Variants in LAMP2 observed in about 807,000 individuals in gnomAD.
The protein encoded by LAMP2 is lysosome-associated membrane glycoprotein 2.
Under a neutral mutation model 25.6 loss-of-function variants are expected in LAMP2, and 4 were observed. That is an observed-to-expected ratio of 0.16 (90% confidence interval 0.08 to 0.36). The LOEUF (loss-of-function observed/expected upper bound fraction) is 0.36, where lower values mean the gene tolerates loss of function less well. Among genes scored for constraint, LAMP2 ranks in the 10% least tolerant of loss-of-function variants. The pLI, the probability that LAMP2 is intolerant of heterozygous loss-of-function variation, is 1.00. For synonymous variants in LAMP2, 108 were observed against 112.7 expected (o/e 0.96, Z 0.27); for missense variants, 272 against 301.4 (o/e 0.90, Z 0.72).
At chrX:120,458,215 G>A (rs930254200) in intron 1 of LAMP2, among the ~76,000 whole-genome samples, 1 of 111,699 alleles carries the variant, frequency 9.0e-6, no homozygotes, top group African/African-American at 3.3e-5. Flanking sequence ...TCTTTTCTCG[G>A]TCTTGTTTAA....
intron 1 of LAMP2, among the ~76,000 whole-genome samples, chrX:120,461,979 A>G (rs920628484): frequency 8.9e-6 from 1 of 111,773 alleles, no homozygotes; most frequent in African/African-American, 3.3e-5. Flanking sequence ...AAATATTTAC[A>G]CTTTATTAAA....
chrX:120,428,927 A>G lies in LAMP2; in HGVS notation c.*2396T>C. On this transcript the variant is annotated 3_prime_UTR_variant, in exon 9 of 9. Transcript: ENST00000200639. ...TCTAATGACACTGGGTTAAGGAGCC[A>G]TCATCTACACTTAAAACCACTGCCT... The G allele has an allele frequency of 2.7e-6, 2 of 750,554 alleles. No homozygotes were observed. The highest frequency in any genetic ancestry group is 1.4e-4 in the South Asian group (2 of 14,748). 61.9% of individuals were successfully genotyped at this position (750,554 alleles called of 1,213,427 possible).
At chrX:120,436,170 ACTCT>A (rs1232205922) in intron 8 of LAMP2, among the ~76,000 whole-genome samples, 28 of 57,305 alleles carry the variant, frequency 4.9e-4, no homozygotes, top group African/African-American at 9.6e-4. Context: ...ACACACACAC[ACTCT>A]CTCTCTCTCT....
chrX:120,460,953 T>C (rs1602543023), intron 1 of LAMP2, among the ~76,000 whole-genome samples: 2 of 111,328 alleles, frequency 1.8e-5, no homozygotes, highest in African/African-American at 6.5e-5. Context: ...AAACTCTGTC[T>C]CAAAAAAAAA....
intron 8 of LAMP2, chrX:120,438,622 T>A: frequency 1.3e-6 from 1 of 755,504 alleles, no homozygotes; most frequent in African/African-American, 2.3e-5. Flanking sequence ...TGTTCAAATC[T>A]ACTATTATAT....
chrX:120,440,932 G>A (rs891077257), intron 8 of LAMP2, among the ~76,000 whole-genome samples: 7 of 111,971 alleles, frequency 6.3e-5, no homozygotes, highest in Non-Finnish European at 1.1e-4. Context: ...CAGTATATTC[G>A]CTTTTAAACA....
In LAMP2 at chrX:120,440,587, C is replaced by G. The variant is rs144033798; in HGVS notation, c.1093+1143G>C. 6.7e-4 allele frequency among the ~76,000 whole-genome samples: 75 copies of G among 111,986 alleles called. 1 individual carries two copies. Among genetic ancestry groups the G allele is most frequent in the African/African-American group, 2.3e-3 (72 of 30,828 alleles). ...TCAAAGTAAGAGAAAGAGCACAGCT[C>G]ATCTCTATTACAGGTGACTAGATAA... On this transcript the variant is annotated intron_variant, in intron 8 of 8. Coordinates refer to ENST00000200639, the MANE Select transcript of LAMP2 (RefSeq NM_002294.3).
At chrX:120,436,052 G>A (rs1319526766) in intron 8 of LAMP2, among the ~76,000 whole-genome samples, 3 of 109,640 alleles carry the variant, frequency 2.7e-5, no homozygotes, top group Non-Finnish European at 5.7e-5. Flanking sequence ...GAGATACTCC[G>A]CAGCTTTTAT....
intron 2 of LAMP2, 56 bp from the exon 3 acceptor site, chrX:120,455,626 G>A: frequency 1.1e-6 from 1 of 939,581 alleles, no homozygotes; most frequent in Non-Finnish European, 1.5e-6. Context: ...GGAACACCAA[G>A]CATTTATGTA....
intron 8 of LAMP2, among the ~76,000 whole-genome samples, chrX:120,434,591 T>G (rs2058535313): frequency 8.9e-6 from 1 of 111,957 alleles, no homozygotes; most frequent in Non-Finnish European, 1.9e-5. Flanking sequence ...GTATTGAAAA[T>G]GCTTCTGGGG....
At chrX:120,451,200 C>T (rs912447333) in intron 3 of LAMP2, among the ~76,000 whole-genome samples, 6 of 111,270 alleles carry the variant, frequency 5.4e-5, no homozygotes, top group African/African-American at 9.8e-5. Flanking sequence ...ATTACAGGCA[C>T]GAGCCACCAC....
At chrX:120,440,510 G>A (rs2058567103) in intron 8 of LAMP2, among the ~76,000 whole-genome samples, 1 of 111,958 alleles carries the variant, frequency 8.9e-6, no homozygotes, top group Admixed American at 9.5e-5. Flanking sequence ...ATTAAATGCT[G>A]TATATCTCTT....
At chrX:120,441,078 C>T (rs1329610611) in intron 8 of LAMP2, among the ~76,000 whole-genome samples, 2 of 112,305 alleles carry the variant, frequency 1.8e-5, no homozygotes, top group Non-Finnish European at 3.8e-5. Flanking sequence ...AAGGACAAGT[C>T]AATTAAGGAA....
At position 120,436,391 on chromosome X, in the gene LAMP2, G is replaced by T. The variant is rs1026984150; in HGVS notation, c.1094-4929C>A. On this transcript the variant is annotated intron_variant, in intron 8 of 8. Coordinates refer to ENST00000200639, the MANE Select transcript of LAMP2 (RefSeq NM_002294.3). ...ATCAGAACATTTTGCAAATAATTCA[G>T]TTCTACTTCTAAACATTTCTAAAGT... 6 of 465,219 alleles carry T rather than the reference G, an allele frequency of 1.3e-5. No homozygotes were observed. In the East Asian group the frequency reaches 9.3e-4, roughly 72 times the overall value. 38.3% of individuals were successfully genotyped at this position (465,219 alleles called of 1,213,427 possible). A position where few individuals can be genotyped will look rare whatever the true frequency, so the allele number is the denominator to read the frequency against.
In LAMP2 at chrX:120,437,203, A is replaced by G. The variant is rs5957385; in HGVS notation, c.1093+4527T>C. The G allele has an allele frequency of 0.021, 15,757 of 746,692 alleles. 1,786 individuals carry two copies. In the African/African-American group the frequency reaches 0.33, roughly 16 times the overall value. The allele number at this position is 746,692 out of a possible 1,213,427, so 61.5% of individuals were successfully genotyped here. On this transcript the variant is annotated intron_variant, in intron 8 of 8. Coordinates refer to ENST00000200639, the MANE Select transcript of LAMP2 (RefSeq NM_002294.3). ...TAAAGGTTTTCAGGCTAAACAAAGA[A>G]CAAATTTAAGTGACGGAAAATATTT... is the stretch of plus-strand genomic sequence containing the variant.
chrX:120,457,949 A>C (rs754950781), intron 1 of LAMP2, among the ~76,000 whole-genome samples: 1 of 112,550 alleles, frequency 8.9e-6, no homozygotes, highest in South Asian at 3.7e-4. Flanking sequence ...AGAAGAGCCT[A>C]TCGTCATGCT....
chrX:120,465,319 A>AAAC (rs1569373403), intron 1 of LAMP2, among the ~76,000 whole-genome samples: 38 of 107,342 alleles, frequency 3.5e-4, no homozygotes, highest in African/African-American at 1.2e-3. Context: ...GAACCCTAAA[A>AAAC]AAACAAACAA....
chrX:120,448,724 T>C (rs1224898618), intron 4 of LAMP2, among the ~76,000 whole-genome samples: 3 of 112,818 alleles, frequency 2.7e-5, no homozygotes, highest in Admixed American at 1.9e-4. Context: ...TTAGGTTTTA[T>C]CAGCTGAGAA....
intron 1 of LAMP2, among the ~76,000 whole-genome samples, chrX:120,463,914 CGTTTTTTTTTT>C (rs1028248892): frequency 2.1e-4 from 22 of 104,571 alleles, no homozygotes; most frequent in Admixed American, 2.0e-3. Context: ...TTCTGTTTTT[CGTTTTTTTTTT>C]GTTTTTTTTT....
Sources: allele counts gnomAD v4.1 joint callset (sites outside exome capture counted in the v4.1 genomes callset), GRCh38; gene constraint gnomAD v4.1.1; transcripts MANE v1.5; gene names NCBI Gene and HGNC (gene_info 2026-07-23, HGNC 2026-07-21).